Variants in TOM1L2 observed in about 807,000 individuals in gnomAD.
The protein encoded by TOM1L2 is TOM1-like protein 2.
TOM1L2 carries 31 observed loss-of-function variants against 67.9 expected under a neutral mutation model. The ratio of observed to expected loss-of-function variants is 0.46; its 90% CI spans 0.34 to 0.62. The LOEUF is 0.62. TOM1L2 is among the 20% of genes least tolerant of loss of function. The pLI, the probability that TOM1L2 is intolerant of heterozygous loss-of-function variation, is 0.01. For missense variants in TOM1L2, 606 were observed against 663.5 expected (o/e 0.91, Z 0.95); for synonymous variants, 256 against 254.0 (o/e 1.01, Z -0.07).
chr17:17,894,047 A>G (rs2038432090), intron 3 of TOM1L2, among the ~76,000 whole-genome samples: 1 of 152,204 alleles, frequency 6.6e-6, no homozygotes, highest in Non-Finnish European at 1.5e-5. Context: ...ATAATCAGGC[A>G]ATTAGTTGGT....
intron 1 of TOM1L2, among the ~76,000 whole-genome samples, chr17:17,912,751 A>G (rs1411878690): frequency 1.1e-4 from 15 of 142,568 alleles, no homozygotes; most frequent in South Asian, 4.7e-4. Flanking sequence ...ATGGGCGGCC[A>G]GGCAGAGACG....
chr17:17,940,192 CAA>C (rs34433429), intron 1 of TOM1L2, among the ~76,000 whole-genome samples: 71 of 32,602 alleles, frequency 2.2e-3, no homozygotes, highest in Middle Eastern at 0.024. Context: ...GACTCTATCT[CAA>C]AAAAAAAAAA....
Position 17,847,710 on chromosome 17 carries a change from C to T in TOM1L2, c.1449G>A (p.Glu483=), listed in dbSNP as rs147448880. ...AAGGGTTTGAGGCTGGGGCAGGAGC[C>T]TCCATGGGGGGCGAGGGGAGGTCGG... ...MVPDLPSPPM[E]APAPASNPSG... Residue 483 remains glutamate (E), a synonymous_variant, in exon 15 of 15, where the codon GAG becomes GAA. Coordinates refer to ENST00000379504, the MANE Select transcript of TOM1L2 (RefSeq NM_001082968.2). 1.3e-5 allele frequency: 21 copies of T among 1,613,928 alleles called. No individual in the cohort carries two copies. In the African/African-American group the frequency reaches 2.4e-4, roughly 18 times the overall value.
At position 17,879,686 on chromosome 17, in the gene TOM1L2, C is replaced by T. The variant is rs1411562529; in HGVS notation, c.718G>A (p.Glu240Lys). Residue 240 changes from glutamate (E) to lysine (K), a missense_variant, in exon 7 of 15, where the codon GAG becomes AAG. Physicochemically the swap from Glu to Lys is moderately conservative, Grantham distance 56. Around this residue, in one of 2 missense-constraint regions of TOM1L2, gnomAD observed 543 missense variants for 554.0 expected, o/e 0.98. Coordinates refer to ENST00000379504, the MANE Select transcript of TOM1L2 (RefSeq NM_001082968.2). ...CCAGGGACCATTTCTGTTAACATCT[C>T]AGACATGACTTTTGTGTTTCCTCGA... ...VVRGNTKVMSEMLTEMVPGQE... is the reference protein window; with the variant it reads ...VVRGNTKVMSKMLTEMVPGQE... 3.1e-6 allele frequency: 5 copies of T among 1,614,134 alleles called. No individual in the cohort carries two copies. The highest frequency in any genetic ancestry group is 1.3e-5 in the African/African-American group (1 of 74,952).
chr17:17,855,705 A>G (rs2036218373), intron 12 of TOM1L2, among the ~76,000 whole-genome samples: 1 of 152,166 alleles, frequency 6.6e-6, no homozygotes, highest in Non-Finnish European at 1.5e-5. Flanking sequence ...CCATGCCCAC[A>G]AGGAAACCCA....
intron 1 of TOM1L2, among the ~76,000 whole-genome samples, chr17:17,910,007 C>T (rs1044922080): frequency 4.6e-5 from 7 of 152,024 alleles, no homozygotes; most frequent in African/African-American, 1.7e-4. Flanking sequence ...CCAGCCTAGG[C>T]AACAGAGTAA....
chr17:17,970,660 C>T (rs765284245), intron 1 of TOM1L2, among the ~76,000 whole-genome samples: 6 of 151,898 alleles, frequency 4.0e-5, no homozygotes, highest in Non-Finnish European at 7.4e-5. Context: ...CTTTTGGGGT[C>T]CCTCATGCAT....
intron 1 of TOM1L2, among the ~76,000 whole-genome samples, chr17:17,969,057 C>CTTTT (rs563818412): frequency 9.9e-5 from 14 of 140,744 alleles, no homozygotes; most frequent in African/African-American, 3.4e-4. Flanking sequence ...ACCAGCTCTC[C>CTTTT]TTTTTTTTTT....
chr17:17,870,990 G>A (rs1346567602), intron 7 of TOM1L2, among the ~76,000 whole-genome samples: 1 of 152,214 alleles, frequency 6.6e-6, no homozygotes, highest in Non-Finnish European at 1.5e-5. Context: ...CTCCTTGAGG[G>A]CAGAGAAGGT....
chr17:17,866,969 TG>T, intron 8 of TOM1L2, 45 bp from the exon 9 acceptor site: 1 of 1,593,254 alleles, frequency 6.3e-7, no homozygotes, highest in South Asian at 1.1e-5. Flanking sequence ...AGGATGCCTG[TG>T]ATATGGCCCT....
At chr17:17,879,059 A>G (rs1231702656) in intron 7 of TOM1L2, among the ~76,000 whole-genome samples, 3 of 152,190 alleles carry the variant, frequency 2.0e-5, no homozygotes, top group Non-Finnish European at 4.4e-5. Context: ...GCAATGGCAA[A>G]CCACAATATG....
chr17:17,916,458 AT>A (rs1380694675), intron 1 of TOM1L2, among the ~76,000 whole-genome samples: 1 of 152,138 alleles, frequency 6.6e-6, no homozygotes, highest in East Asian at 1.9e-4. Context: ...ATGGTATAAG[AT>A]AATGGTCCGA....
chr17:17,872,250 T>C (rs757570434), intron 7 of TOM1L2, among the ~76,000 whole-genome samples: 1 of 152,146 alleles, frequency 6.6e-6, no homozygotes, highest in African/African-American at 2.4e-5. Flanking sequence ...AATAAAAATG[T>C]CCAAACTTAT....
intron 5 of TOM1L2, among the ~76,000 whole-genome samples, chr17:17,883,108 A>T (rs2037816288): frequency 6.6e-6 from 1 of 152,150 alleles, no homozygotes; most frequent in Admixed American, 6.5e-5. Flanking sequence ...GACCAATGAA[A>T]GCAACTCCAA....
chr17:17,847,716 G>T lies in TOM1L2; in HGVS notation c.1443C>A (p.Pro481=), dbSNP rs368469555. 10 of 1,613,880 alleles carry T rather than the reference G, an allele frequency of 6.2e-6. No homozygotes were observed. In the South Asian group the frequency reaches 6.6e-5, roughly 11 times the overall value. Residue 481 remains proline (P), a synonymous_variant, in exon 15 of 15, where the codon CCC becomes CCA. Coordinates refer to ENST00000379504, the MANE Select transcript of TOM1L2 (RefSeq NM_001082968.2). Reference sequence around the variant, plus strand: ...TTGAGGCTGGGGCAGGAGCCTCCATGGGGGGCGAGGGGAGGTCGGGAACCA... The same window carrying T: ...TTGAGGCTGGGGCAGGAGCCTCCATTGGGGGCGAGGGGAGGTCGGGAACCA... ...AEMVPDLPSP[P]MEAPAPASNP...
chr17:17,856,650 G>A (rs1357845936), intron 12 of TOM1L2, among the ~76,000 whole-genome samples: 2 of 152,210 alleles, frequency 1.3e-5, no homozygotes, highest in East Asian at 3.8e-4. Context: ...CCCACCTGGA[G>A]GGAGAGGCAC....
At chr17:17,876,049 A>G (rs895583579) in intron 7 of TOM1L2, among the ~76,000 whole-genome samples, 2 of 152,244 alleles carry the variant, frequency 1.3e-5, no homozygotes, top group Admixed American at 1.3e-4. Context: ...AAGAACATAT[A>G]TTTTTGGCAT....
At position 17,844,067 on chromosome 17, in the gene TOM1L2, A is replaced by C. The variant is rs2035519776; in HGVS notation, c.*3568T>G. ...GACGTCCCCAAAGCCGACAGTGCAGAAGCTCCCAGGGACCACTCCAGCAGT... is the reference window on the plus strand; with the variant it reads ...GACGTCCCCAAAGCCGACAGTGCAGCAGCTCCCAGGGACCACTCCAGCAGT... On this transcript the variant is annotated 3_prime_UTR_variant, in exon 15 of 15. Coordinates refer to ENST00000379504, the MANE Select transcript of TOM1L2 (RefSeq NM_001082968.2). The C allele has an allele frequency of 6.6e-6, 1 of 152,510 alleles. No homozygotes were observed. Among genetic ancestry groups the C allele is most frequent in the Admixed American group, 6.5e-5 (1 of 15,282 alleles). The allele number at this position is 152,510 out of a possible 1,614,324, so 9.4% of individuals were successfully genotyped here.
At chr17:17,962,695 C>T (rs1189852730) in intron 1 of TOM1L2, among the ~76,000 whole-genome samples, 3 of 152,092 alleles carry the variant, frequency 2.0e-5, no homozygotes, top group Non-Finnish European at 2.9e-5. Flanking sequence ...TGTGGTGGCT[C>T]ACGCCTGTAA....
Sources: gnomAD v4.1 joint callset for allele counts (sites outside exome capture counted in the v4.1 genomes callset) on GRCh38, gnomAD v4.1.1 for gene constraint, gnomAD v4.1.1 regional missense constraint, MANE v1.5 for transcripts, NCBI Gene and HGNC (gene_info 2026-07-23, HGNC 2026-07-21) for gene names.